Variants in LRRIQ4 observed in about 807,000 individuals in gnomAD.
The protein encoded by LRRIQ4 is leucine rich repeats and IQ motif containing 4, also known as leucine-rich repeat and IQ domain-containing protein 4.
A neutral mutation model predicts 40.1 loss-of-function variants in LRRIQ4; 21 were observed. The ratio of observed to expected loss-of-function variants is 0.52; its 90% CI spans 0.37 to 0.75. The LOEUF (loss-of-function observed/expected upper bound fraction) is 0.75, where lower values mean the gene tolerates loss of function less well. Among genes scored for constraint, LRRIQ4 ranks in the 30% least tolerant of loss-of-function variants. The probability of loss-of-function intolerance (pLI) is 0.00; values close to 1 mark genes in which losing one functional copy is unlikely to be tolerated. For synonymous variants in LRRIQ4, 277 were observed against 277.1 expected (o/e 1.00, Z 0.00); for missense variants, 655 against 660.0 (o/e 0.99, Z 0.08).
intron 1 of LRRIQ4, among the ~76,000 whole-genome samples, chr3:169,813,642 G>A (rs1464015855): frequency 6.6e-6 from 1 of 152,150 alleles, no homozygotes; most frequent in Non-Finnish European, 1.5e-5. Context: ...CGTACTCTAA[G>A]TAACCAATGG....
chr3:169,820,267 G>A (rs1779853848), intron 1 of LRRIQ4, among the ~76,000 whole-genome samples: 1 of 151,600 alleles, frequency 6.6e-6, no homozygotes, highest in African/African-American at 2.4e-5. Flanking sequence ...GTGTGTGTGT[G>A]TGTGTGTGTG....
At chr3:169,823,211 C>T (rs556294245) in intron 2 of LRRIQ4, among the ~76,000 whole-genome samples, 1 of 152,308 alleles carries the variant, frequency 6.6e-6, no homozygotes, top group South Asian at 2.1e-4. Flanking sequence ...CTCACAACGA[C>T]TGTGTCCTCA....
At position 169,826,130 on chromosome 3, in the gene LRRIQ4, G is replaced by A. The variant is rs557253726; in HGVS notation, c.1021-2629G>A. Among the ~76,000 whole-genome samples, 126 of 152,192 alleles carry A rather than the reference G, an allele frequency of 8.3e-4. 1 individual carries two copies. The highest frequency in any genetic ancestry group is 2.9e-3 in the African/African-American group (122 of 41,518). ...AAGCAGGCCACGTGCGGTGACTCAC[G>A]CCTGTAATCACAACACTTTGGGAGG... On this transcript the variant is annotated intron_variant, in intron 2 of 5. Transcript: ENST00000340806.
intron 1 of LRRIQ4, among the ~76,000 whole-genome samples, chr3:169,821,191 A>G (rs1199089961): frequency 6.6e-6 from 1 of 152,154 alleles, no homozygotes; most frequent in African/African-American, 2.4e-5. Context: ...CTTTCTTTGT[A>G]TCTTCGACTC....
chr3:169,831,440 A>ATTTTTTT lies in LRRIQ4; in HGVS notation c.1333+847_1333+853dup, dbSNP rs750864248. ...AGGCGCCCGCCACCACGCCCGGCTA[A>ATTTTTTT]TTTTTTTTTTTTTTTTTTTTTTTTT... On this transcript the variant is annotated intron_variant, in intron 4 of 5. Transcript: ENST00000340806. Among the ~76,000 whole-genome samples the ATTTTTTT allele has an allele frequency of 1.4e-4, 4 of 29,430 alleles. 1 individual carries two copies. Among genetic ancestry groups the ATTTTTTT allele is most frequent in the African/African-American group, 2.6e-4 (2 of 7,808 alleles). The allele number at this position is 29,430 out of a possible 152,430, so 19.3% of individuals were successfully genotyped here. A position where few individuals can be genotyped will look rare whatever the true frequency, so the allele number is the denominator to read the frequency against.
At chr3:169,814,589 A>T (rs9814802) in intron 1 of LRRIQ4, among the ~76,000 whole-genome samples, 3 of 151,852 alleles carry the variant, frequency 2.0e-5, no homozygotes. Context: ...AGCTTCAAGC[A>T]ATTCTCCCAC....
chr3:169,829,191 G>A (rs992631667), intron 3 of LRRIQ4, among the ~76,000 whole-genome samples: 2 of 152,156 alleles, frequency 1.3e-5, no homozygotes, highest in African/African-American at 4.8e-5. Context: ...TTCATTTGCA[G>A]AAATTGAGTC....
At chr3:169,820,566 T>C (rs1358360865) in intron 1 of LRRIQ4, among the ~76,000 whole-genome samples, 1 of 146,026 alleles carries the variant, frequency 6.8e-6, no homozygotes, top group African/African-American at 2.6e-5. Flanking sequence ...AGACGGAGTC[T>C]CGCTCTGTCG....
intron 1 of LRRIQ4, among the ~76,000 whole-genome samples, chr3:169,815,856 G>A (rs1413567715): frequency 2.0e-5 from 3 of 152,166 alleles, no homozygotes; most frequent in African/African-American, 7.2e-5. Flanking sequence ...AAGTGATGTT[G>A]AATTTTATCA....
intron 2 of LRRIQ4, among the ~76,000 whole-genome samples, chr3:169,827,602 G>A (rs1416351928): frequency 2.3e-4 from 18 of 79,930 alleles, no homozygotes; most frequent in Non-Finnish European, 1.2e-4. Context: ...GCGAGACTCC[G>A]TCTCAAAAAA....
Position 169,837,509 on chromosome 3 carries a change from C to G in LRRIQ4, c.1561C>G (p.Gln521Glu), listed in dbSNP as rs759343405. The G allele has an allele frequency of 3.7e-6, 6 of 1,609,324 alleles. No homozygotes were observed. The highest frequency in any genetic ancestry group is 2.2e-5 in the East Asian group (1 of 44,794). ...IQAWWRGTMV[Q>E]RGFGKFGELL... ...GGCATGGTGGCGTGGAACAATGGTA[C>G]AGAGAGGATTTGGGAAATTCGGTGA... Residue 521 changes from glutamine to glutamate, a missense_variant, in exon 6 of 6, where the codon CAG becomes GAG. Transcript: ENST00000340806.
At chr3:169,830,999 G>C (rs1780158530) in intron 4 of LRRIQ4, among the ~76,000 whole-genome samples, 2 of 152,132 alleles carry the variant, frequency 1.3e-5, no homozygotes, top group South Asian at 4.1e-4. Flanking sequence ...GGAGTCACTT[G>C]AGTAAAAGAA....
rs1217149987 is a variant in LRRIQ4, at chr3:169,829,604, C to T, written c.1194+672C>T. Among the ~76,000 whole-genome samples, 3 of 151,702 alleles carry T rather than the reference C, an allele frequency of 2.0e-5. No homozygotes were observed. In the South Asian group the frequency reaches 6.2e-4, roughly 31 times the overall value. Reference sequence around the variant, plus strand: ...GCAACCTCCACCTCCCGGGTTCAAGCGATTCTCCTGCCTCAGCCTCCCAAA... The same window carrying T: ...GCAACCTCCACCTCCCGGGTTCAAGTGATTCTCCTGCCTCAGCCTCCCAAA... On this transcript the variant is annotated intron_variant, in intron 3 of 5. Coordinates refer to ENST00000340806, the MANE Select transcript of LRRIQ4 (RefSeq NM_001080460.3).
At chr3:169,834,644 C>A (rs983072386) in intron 5 of LRRIQ4, among the ~76,000 whole-genome samples, 2 of 152,094 alleles carry the variant, frequency 1.3e-5, no homozygotes, top group African/African-American at 4.8e-5. Flanking sequence ...TTTGTCAACA[C>A]CAATTTACAA....
intron 3 of LRRIQ4, 23 bp from the exon 4 acceptor site, chr3:169,830,469 A>G (rs995595219): frequency 2.1e-6 from 3 of 1,442,672 alleles, no homozygotes; most frequent in African/African-American, 2.9e-5. Context: ...GTATATTATT[A>G]TGGTACACTC....
chr3:169,831,262 T>TC (rs1780167036), intron 4 of LRRIQ4, among the ~76,000 whole-genome samples: 1 of 67,110 alleles, frequency 1.5e-5, no homozygotes, highest in East Asian at 3.6e-4. Flanking sequence ...ATGGCTATTC[T>TC]TTTTTTTTTT....
rs765294779 is a variant in LRRIQ4 at position 169,833,074 on chromosome 3, T to G, written c.1421T>G (p.Leu474Arg). ...DSLVNLKVLT[L>R]MDNPMEEPPK... Reference sequence around the variant, plus strand: ...CTAGTGAATCTTAAGGTTCTGACACTGATGGACAATCCCATGGAAGAACCC... The same window carrying G: ...CTAGTGAATCTTAAGGTTCTGACACGGATGGACAATCCCATGGAAGAACCC... Residue 474 changes from leucine (L) to arginine (R), a missense_variant, in exon 5 of 6, where the codon CTG becomes CGG. Coordinates refer to ENST00000340806, the MANE Select transcript of LRRIQ4 (RefSeq NM_001080460.3). 1.9e-6 allele frequency: 3 copies of G among 1,613,944 alleles called. No individual in the cohort carries two copies. In the South Asian group the frequency reaches 3.3e-5, roughly 18 times the overall value.
chr3:169,837,530 G>C lies in LRRIQ4; in HGVS notation c.1582G>C (p.Gly528Arg), dbSNP rs202034195. 3.1e-6 allele frequency: 5 copies of C among 1,608,346 alleles called. No homozygotes were observed. The highest frequency in any genetic ancestry group is 4.2e-6 in the Non-Finnish European group (5 of 1,177,786). ...GGTACAGAGAGGATTTGGGAAATTCGGTGAACTACTAAAACCACAAAAGAA... is the reference window on the plus strand; with the variant it reads ...GGTACAGAGAGGATTTGGGAAATTCCGTGAACTACTAAAACCACAAAAGAA... ...TMVQRGFGKF[G>R]ELLKPQKKGK... Residue 528 changes from glycine (G) to arginine (R), a missense_variant, in exon 6 of 6, where the codon GGT (glycine) becomes CGT (arginine). Gly to Arg is a moderately radical substitution (Grantham distance 125). Coordinates refer to ENST00000340806, the MANE Select transcript of LRRIQ4 (RefSeq NM_001080460.3).
At chr3:169,836,236 G>A (rs1026867866) in intron 5 of LRRIQ4, among the ~76,000 whole-genome samples, 2 of 152,080 alleles carry the variant, frequency 1.3e-5, no homozygotes, top group Non-Finnish European at 2.9e-5. Flanking sequence ...AGTAGTGTGT[G>A]GAGGTGGAGA....
Sources: allele counts gnomAD v4.1 joint callset (sites outside exome capture counted in the v4.1 genomes callset), GRCh38; gene constraint gnomAD v4.1.1; transcripts MANE v1.5; gene names NCBI Gene and HGNC (gene_info 2026-07-23, HGNC 2026-07-21).